The following LONP1 variants were observed in gnomAD, a reference collection of about 807,000 sequenced individuals.
LONP1 encodes lon peptidase 1, mitochondrial.
LONP1 carries 31 observed loss-of-function variants against 98.5 expected under a neutral mutation model. The observed-to-expected ratio is 0.31, with a 90% CI of 0.24 to 0.42. The LOEUF (loss-of-function observed/expected upper bound fraction) is 0.42, where lower values mean the gene tolerates loss of function less well. Among genes scored for constraint, LONP1 ranks in the 20% least tolerant of loss-of-function variants. The probability of loss-of-function intolerance (pLI) is 1.00; values close to 1 mark genes in which losing one functional copy is unlikely to be tolerated. For synonymous variants in LONP1, 781 were observed against 594.7 expected, an observed-to-expected ratio of 1.31 and a Z score of -4.56; for missense variants, 1,336 against 1,350.6, an observed-to-expected ratio of 0.99 and a Z score of 0.17.
intron 4 of LONP1, among the ~76,000 whole-genome samples, chr19:5,709,198 C>T (rs1009201566): frequency 3.3e-5 from 5 of 151,638 alleles, no homozygotes; most frequent in Non-Finnish European, 5.9e-5. Context: ...ATTTTAATCA[C>T]CTGGTCTTGG....
chr19:5,694,926 G>A, intron 13 of LONP1, 25 bp from the exon 14 acceptor site: 2 of 1,582,338 alleles, frequency 1.3e-6, no homozygotes, highest in Non-Finnish European at 1.7e-6. Context: ...GTCAGGGTTG[G>A]GTCTGGAGGG....
At chr19:5,713,840 G>A (rs945053417) in intron 2 of LONP1, among the ~76,000 whole-genome samples, 1 of 152,184 alleles carries the variant, frequency 6.6e-6, no homozygotes, top group Admixed American at 6.5e-5. Flanking sequence ...TGGGATTACA[G>A]GTGTGCGACC....
intron 8 of LONP1, 91 bp from the exon 9 acceptor site, chr19:5,701,018 A>C: frequency 1.4e-6 from 2 of 1,467,220 alleles, no homozygotes; most frequent in Non-Finnish European, 1.9e-6. Context: ...AAGGGGCTTG[A>C]AACCCATGTG....
chr19:5,716,253 A>AATATATATATATATATATATAT (rs1200539692), intron 1 of LONP1, among the ~76,000 whole-genome samples: 2 of 71,728 alleles, frequency 2.8e-5, no homozygotes, highest in African/African-American at 5.6e-5. Context: ...ATAAAGTTAA[A>AATATATATATATATATATATAT]ATATACATAT....
At chr19:5,696,918 A>G (rs2054941998) in intron 10 of LONP1, among the ~76,000 whole-genome samples, 161 bp from the exon 11 acceptor site, 1 of 152,172 alleles carries the variant, frequency 6.6e-6, no homozygotes, top group African/African-American at 2.4e-5. Flanking sequence ...GATGTGTGGC[A>G]CCTGCAGGCA....
At position 5,696,232 on chromosome 19, in the gene LONP1, C is replaced by A; in HGVS notation, c.1896+17G>T. The A allele has an allele frequency of 1.2e-6, 2 of 1,613,016 alleles. No homozygotes were observed. Among genetic ancestry groups the A allele is most frequent in the African/African-American group, 1.3e-5 (1 of 75,028 alleles). ...TTACCCTCCCCAGCAAGCCCAGGCC[C>A]CAGACAGGCCCCCCACCTTGGACAA... On this transcript the variant is annotated intron_variant, in intron 12 of 17. Coordinates refer to ENST00000360614, the MANE Select transcript of LONP1 (RefSeq NM_004793.4).
At chr19:5,698,921 C>T (rs1185221976) in intron 10 of LONP1, 106 bp downstream of exon 10, 5 of 1,225,480 alleles carry the variant, frequency 4.1e-6, no homozygotes, top group Non-Finnish European at 2.2e-6. Context: ...ATCGGTTGCC[C>T]ACAACCCGGA....
chr19:5,716,309 C>T (rs2055322955), intron 1 of LONP1, among the ~76,000 whole-genome samples: 2 of 82,178 alleles, frequency 2.4e-5, no homozygotes, highest in African/African-American at 4.8e-5. Context: ...TAGTAATGGC[C>T]CTCAAACTTT....
chr19:5,701,016 T>C lies in LONP1; in HGVS notation c.1368-89A>G. ...CTTGGCTGGGTGGTTGCAAGGGGCT[T>C]GAAACCCATGTGTGGGGCTGAGCGC... On this transcript the variant is annotated intron_variant, in intron 8 of 17. Transcript: ENST00000360614. The C allele has an allele frequency of 2.7e-6, 4 of 1,484,910 alleles. No homozygotes were observed. In the Admixed American group the frequency reaches 6.7e-5, roughly 25 times the overall value. The allele number at this position is 1,484,910 out of a possible 1,614,324, so 92.0% of individuals were successfully genotyped here.
At chr19:5,708,487 C>A in intron 4 of LONP1, 84 bp from the exon 5 acceptor site, 1 of 1,242,358 alleles carries the variant, frequency 8.0e-7, no homozygotes. Context: ...CCTGGGAGCC[C>A]CACCCACCAG....
chr19:5,706,221 C>T (rs529124903), intron 7 of LONP1, among the ~76,000 whole-genome samples: 1 of 152,228 alleles, frequency 6.6e-6, no homozygotes, highest in South Asian at 2.1e-4. Flanking sequence ...ACCGTAGCCT[C>T]CACCTCCTGG....
chr19:5,716,297 T>C (rs1240651682), intron 1 of LONP1, among the ~76,000 whole-genome samples: 2 of 120,172 alleles, frequency 1.7e-5, no homozygotes, highest in East Asian at 2.3e-4. Context: ...TATATATATA[T>C]ATAGTAATGG....
Position 5,719,918 on chromosome 19 carries a change from C to T in LONP1, c.215G>A (p.Ser72Asn). ...GGQWRGFWEA[S>N]SRGGGAFSGG... is the part of the protein sequence containing the mutation. ...CGAGAATGCGCCTCCGCCGCGGCTG[C>T]TCGCTTCCCAAAACCCCCGCCATTG... is the stretch of plus-strand genomic sequence containing the variant. Residue 72 changes from serine (S) to asparagine (N), a missense_variant, in exon 1 of 18, where the codon AGC (serine) becomes AAC (asparagine). Ser to Asn is a conservative substitution (Grantham distance 46). This residue lies in a region of LONP1 where 457 missense variants were observed against 403.1 expected (regional missense o/e 1.13). Coordinates refer to ENST00000360614, the MANE Select transcript of LONP1 (RefSeq NM_004793.4). 1 of 1,550,822 alleles carries T rather than the reference C, an allele frequency of 6.4e-7. No homozygotes were observed. Among genetic ancestry groups the T allele is most frequent in the Non-Finnish European group, 8.7e-7 (1 of 1,148,726 alleles).
At chr19:5,700,412 C>T (rs560041390) in intron 9 of LONP1, among the ~76,000 whole-genome samples, 6 of 152,270 alleles carry the variant, frequency 3.9e-5, no homozygotes, top group Admixed American at 2.6e-4. Context: ...AGCGCCCAGC[C>T]GCAATTTTAA....
chr19:5,692,082 C>G lies in LONP1; in HGVS notation c.2830G>C (p.Asp944His), dbSNP rs138631909. Residue 944 changes from aspartate (D) to histidine (H), a missense_variant, in exon 18 of 18, where the codon GAC becomes CAC. Coordinates refer to ENST00000360614, the MANE Select transcript of LONP1 (RefSeq NM_004793.4). The part of the protein sequence containing the change: ...HFVEHYREIF[D>H]IAFPDEQAEA... ...GCCTGCTCGTCCGGGAAGGCGATGT[C>G]GAAGATCTCCCGGTAGTGTTCCACG... 12 of 1,613,944 alleles carry G rather than the reference C, an allele frequency of 7.4e-6. No individual in the cohort carries two copies. Among genetic ancestry groups the G allele is most frequent in the Admixed American group, 1.7e-5 (1 of 59,998 alleles).
intron 12 of LONP1, 27 bp from the exon 13 acceptor site, chr19:5,696,197 G>C (rs763552324): frequency 6.2e-7 from 1 of 1,612,688 alleles, no homozygotes; most frequent in South Asian, 1.1e-5. Context: ...GGTGCTGGGG[G>C]ACTGGCCGCT....
Position 5,719,984 on chromosome 19 carries a change from G to C in LONP1, c.149C>G (p.Pro50Arg). The C allele has an allele frequency of 6.3e-7, 1 of 1,583,426 alleles. No homozygotes were observed. Among genetic ancestry groups the C allele is most frequent in the Non-Finnish European group, 8.6e-7 (1 of 1,166,876 alleles). The change falls in exon 1 of 18, where the codon CCT (proline) becomes CGT (arginine). Residue 50 changes from proline to arginine, a missense_variant. Physicochemically the swap from Pro to Arg is moderately radical, Grantham distance 103. This residue lies in a region of LONP1 where 457 missense variants were observed against 403.1 expected (regional missense o/e 1.13). Transcript: ENST00000360614. Reference protein sequence around the residue: ...LRGQRTCDASPPWALWGRGPA... With the variant: ...LRGQRTCDASRPWALWGRGPA... ...GCCTCGGCCCCACAGTGCCCAAGGA[G>C]GAGAGGCGTCGCAGGTCCGCTGGCC...
chr19:5,708,111 C>T (rs1167165153), intron 5 of LONP1: 1 of 610,908 alleles, frequency 1.6e-6, no homozygotes, highest in Non-Finnish European at 2.9e-6. Flanking sequence ...ATGCCACCAA[C>T]AGCTTCCGGC....
chr19:5,709,299 GCCAACACGGTGAAAC>G (rs2055198946), intron 4 of LONP1, among the ~76,000 whole-genome samples: 1 of 150,550 alleles, frequency 6.6e-6, no homozygotes, highest in South Asian at 2.1e-4. Flanking sequence ...GACCAGCCTG[GCCAACACGGTGAAAC>G]CCCATCTCCA....
Sources: gnomAD v4.1 joint callset for allele counts (sites outside exome capture counted in the v4.1 genomes callset) on GRCh38, gnomAD v4.1.1 for gene constraint, gnomAD v4.1.1 regional missense constraint, MANE v1.5 for transcripts, NCBI Gene and HGNC (gene_info 2026-07-23, HGNC 2026-07-21) for gene names.